Variants in RPS6KC1 observed in about 807,000 individuals in gnomAD.
RPS6KC1 encodes inactive ribosomal protein S6 kinase delta-1.
A neutral mutation model predicts 103.8 loss-of-function variants in RPS6KC1; 54 were observed. The observed-to-expected ratio is 0.52, with a 90% CI of 0.42 to 0.65. The LOEUF is 0.65. RPS6KC1 is among the 30% of genes least tolerant of loss of function. The probability of loss-of-function intolerance (pLI) is 0.00; values close to 1 mark genes in which losing one functional copy is unlikely to be tolerated. For synonymous variants in RPS6KC1, 439 were observed against 438.7 expected, an observed-to-expected ratio of 1.00 and a Z score of -0.01; for missense variants, 1,151 against 1,253.8, an observed-to-expected ratio of 0.92 and a Z score of 1.24.
At chr1:213,738,588 A>G in the RPS6KC1 span, among the ~76,000 whole-genome samples, 1 of 152,120 alleles carries the variant, frequency 6.6e-6, no homozygotes, top group Non-Finnish European at 1.5e-5. Context: ...AAATGTGTAA[A>G]TATATAAATA....
At chr1:213,069,129 T>A (rs1428282878) in intron 1 of RPS6KC1, among the ~76,000 whole-genome samples, 1 of 152,168 alleles carries the variant, frequency 6.6e-6, no homozygotes, top group Admixed American at 6.5e-5. Flanking sequence ...GTAGCCATAT[T>A]TCAGTGGCTC....
intron 6 of RPS6KC1, among the ~76,000 whole-genome samples, chr1:213,162,168 G>T (rs2148093591): frequency 6.6e-6 from 1 of 152,152 alleles, no homozygotes; most frequent in East Asian, 1.9e-4. Flanking sequence ...TTTTTTATAA[G>T]CCATTTGACT....
intron 5 of RPS6KC1, among the ~76,000 whole-genome samples, chr1:213,128,476 A>C (rs970556161): frequency 6.6e-6 from 1 of 152,220 alleles, no homozygotes; most frequent in Admixed American, 6.5e-5. Flanking sequence ...TTTGAAGAAT[A>C]TAAAAGGCTG....
At chr1:213,405,190 T>A in the RPS6KC1 span, among the ~76,000 whole-genome samples, 1 of 152,244 alleles carries the variant, frequency 6.6e-6, no homozygotes, top group Non-Finnish European at 1.5e-5. Context: ...TTAGTGCCAG[T>A]AGGGCTACCC....
the RPS6KC1 span, chr1:213,822,255 C>G: frequency 6.6e-6 from 1 of 152,298 alleles, no homozygotes; most frequent in East Asian, 1.9e-4. Flanking sequence ...TTCTACATCC[C>G]AGGACATTCT....
At chr1:213,563,431 G>T in the RPS6KC1 span, among the ~76,000 whole-genome samples, 1 of 151,818 alleles carries the variant, frequency 6.6e-6, no homozygotes, top group African/African-American at 2.4e-5. Context: ...TGGAATTTTA[G>T]TTCATTTATA....
the RPS6KC1 span, among the ~76,000 whole-genome samples, chr1:213,605,038 A>G: frequency 3.3e-5 from 5 of 152,172 alleles, no homozygotes; most frequent in Non-Finnish European, 7.3e-5. Flanking sequence ...TCTAGGCCCA[A>G]TTAACAAATC....
At chr1:213,786,808 A>G in the RPS6KC1 span, among the ~76,000 whole-genome samples, 4 of 152,272 alleles carry the variant, frequency 2.6e-5, no homozygotes, top group South Asian at 8.3e-4. Flanking sequence ...ATCTCCCCAA[A>G]TCTTCTTCCT....
At chr1:213,557,018 G>A in the RPS6KC1 span, among the ~76,000 whole-genome samples, 30 of 152,268 alleles carry the variant, frequency 2.0e-4, no homozygotes, top group African/African-American at 7.0e-4. Flanking sequence ...GAATTGATAG[G>A]CAGGTAGACG....
chr1:213,310,089 C>T, the RPS6KC1 span, among the ~76,000 whole-genome samples: 1 of 152,132 alleles, frequency 6.6e-6, no homozygotes, highest in East Asian at 1.9e-4. Flanking sequence ...CTTGACTATC[C>T]CCCAAGCCCA....
chr1:213,707,001 G>A, the RPS6KC1 span, among the ~76,000 whole-genome samples: 12 of 152,104 alleles, frequency 7.9e-5, no homozygotes, highest in Non-Finnish European at 1.6e-4. Context: ...TAGTGCTGCA[G>A]TAAACATATG....
the RPS6KC1 span, among the ~76,000 whole-genome samples, chr1:213,736,414 C>T: frequency 6.6e-6 from 1 of 152,138 alleles, no homozygotes; most frequent in African/African-American, 2.4e-5. Flanking sequence ...TGGGCTAGGG[C>T]CTGAAGACAA....
At chr1:213,429,804 T>C in the RPS6KC1 span, among the ~76,000 whole-genome samples, 3 of 152,208 alleles carry the variant, frequency 2.0e-5, no homozygotes, top group African/African-American at 7.2e-5. Context: ...ATTAGAAATA[T>C]AGCCAACTTT....
At chr1:213,539,299 G>C in the RPS6KC1 span, among the ~76,000 whole-genome samples, 1 of 152,152 alleles carries the variant, frequency 6.6e-6, no homozygotes, top group Non-Finnish European at 1.5e-5. Context: ...AAATTGGCCT[G>C]TTTTCATTGC....
chr1:213,381,485 G>GGA, the RPS6KC1 span, among the ~76,000 whole-genome samples: 1 of 151,730 alleles, frequency 6.6e-6, no homozygotes, highest in African/African-American at 2.4e-5. Context: ...GGGCAGGAGA[G>GGA]GAGAGAGAGA....
At chr1:213,844,346 TTTC>T in the RPS6KC1 span, among the ~76,000 whole-genome samples, 1 of 152,236 alleles carries the variant, frequency 6.6e-6, no homozygotes, top group African/African-American at 2.4e-5. Context: ...TTATGAGGCT[TTTC>T]TTTTTTGCAC....
At chr1:213,176,296 T>C (rs1214940703) in intron 7 of RPS6KC1, 104 bp from the exon 8 acceptor site, 2 of 581,940 alleles carry the variant, frequency 3.4e-6, no homozygotes, top group Non-Finnish European at 6.0e-6. Flanking sequence ...CATTCTCTGA[T>C]TTATGATGAA....
chr1:213,160,752 C>T (rs2090387652), intron 6 of RPS6KC1, among the ~76,000 whole-genome samples: 1 of 143,964 alleles, frequency 6.9e-6, no homozygotes, highest in Admixed American at 7.4e-5. Flanking sequence ...CGCAAGGACA[C>T]AAAACCAAAC....
chr1:213,497,881 A>G, the RPS6KC1 span, among the ~76,000 whole-genome samples: 2 of 152,200 alleles, frequency 1.3e-5, no homozygotes, highest in African/African-American at 4.8e-5. Context: ...AAATATGTAG[A>G]AAAAATTTAA....
Sources: gnomAD v4.1 joint callset for allele counts (sites outside exome capture counted in the v4.1 genomes callset) on GRCh38, gnomAD v4.1.1 for gene constraint, MANE v1.5 for transcripts, NCBI Gene and HGNC (gene_info 2026-07-23, HGNC 2026-07-21) for gene names.